PPFIA2: variants seen among roughly 807,000 people sequenced by gnomAD.
PPFIA2 encodes the protein PPFI scaffold protein A2, also known as liprin-alpha-2.
PPFIA2 carries 46 observed loss-of-function variants against 175.5 expected under a neutral mutation model. That is an observed-to-expected ratio of 0.26 (90% confidence interval 0.21 to 0.34). PPFIA2 has a LOEUF of 0.34. Ranked by LOEUF, PPFIA2 falls within the 10% of genes least tolerant of loss-of-function variation. The pLI is 1.00. For missense variants in PPFIA2, 1,179 were observed against 1,506.1 expected (o/e 0.78, Z 3.60); for synonymous variants, 568 against 511.4 (o/e 1.11, Z -1.49).
At chr12:81,560,281 A>C (rs1230154076) in intron 4 of PPFIA2, among the ~76,000 whole-genome samples, 1 of 151,644 alleles carries the variant, frequency 6.6e-6, no homozygotes, top group Non-Finnish European at 1.5e-5. Flanking sequence ...TGTGAGAGAG[A>C]GAGAGAGCTA....
At chr12:81,587,043 G>C (rs996414992) in intron 4 of PPFIA2, among the ~76,000 whole-genome samples, 1 of 151,826 alleles carries the variant, frequency 6.6e-6, no homozygotes, top group African/African-American at 2.4e-5. Flanking sequence ...GTTTAGGAAA[G>C]TAAAAATAGA....
At chr12:81,631,795 C>T (rs752003725) in intron 4 of PPFIA2, among the ~76,000 whole-genome samples, 2 of 152,154 alleles carry the variant, frequency 1.3e-5, no homozygotes, top group Non-Finnish European at 2.9e-5. Context: ...CGCCAAACAC[C>T]TCGCCTCAAG....
intron 3 of PPFIA2, among the ~76,000 whole-genome samples, chr12:81,684,882 T>C (rs1447915185): frequency 6.6e-6 from 1 of 152,032 alleles, no homozygotes; most frequent in East Asian, 1.9e-4. Flanking sequence ...GAAGGAAAAA[T>C]GCAAAATTAT....
At chr12:81,614,870 T>A (rs999940581) in intron 4 of PPFIA2, among the ~76,000 whole-genome samples, 2 of 152,152 alleles carry the variant, frequency 1.3e-5, no homozygotes, top group Non-Finnish European at 2.9e-5. Context: ...CAATTATGCA[T>A]AAGGAGTCTT....
At chr12:81,710,865 C>T (rs909903355) in intron 3 of PPFIA2, among the ~76,000 whole-genome samples, 5 of 151,358 alleles carry the variant, frequency 3.3e-5, no homozygotes, top group African/African-American at 7.2e-5. Context: ...CAGAATTGCA[C>T]ATTAGCTATG....
intron 3 of PPFIA2, among the ~76,000 whole-genome samples, chr12:81,689,063 T>C (rs1250771386): frequency 6.6e-6 from 1 of 151,494 alleles, no homozygotes; most frequent in Non-Finnish European, 1.5e-5. Context: ...TATATTAATT[T>C]TGGAAGTAAT....
At chr12:81,728,468 A>G (rs967290617) in intron 3 of PPFIA2, among the ~76,000 whole-genome samples, 8 of 151,364 alleles carry the variant, frequency 5.3e-5, no homozygotes, top group African/African-American at 1.5e-4. Context: ...CCACTACAGC[A>G]TAATTTTAAA....
chr12:81,360,833 T>C (rs1365227287), intron 15 of PPFIA2, among the ~76,000 whole-genome samples: 1 of 151,794 alleles, frequency 6.6e-6, no homozygotes, highest in Non-Finnish European at 1.5e-5. Context: ...TACTTTATAC[T>C]TGTGATATGA....
chr12:81,717,192 A>G (rs2078739420), intron 3 of PPFIA2, among the ~76,000 whole-genome samples: 1 of 151,788 alleles, frequency 6.6e-6, no homozygotes, highest in Non-Finnish European at 1.5e-5. Flanking sequence ...TACACATTAT[A>G]TAAATGAATG....
At chr12:81,381,425 A>G (rs1368715762) in intron 9 of PPFIA2, among the ~76,000 whole-genome samples, 6 of 152,088 alleles carry the variant, frequency 3.9e-5, no homozygotes, top group Non-Finnish European at 1.5e-5. Context: ...CAGTTAGAAA[A>G]TGGGGATTGA....
chr12:81,655,419 C>T (rs969657667), intron 4 of PPFIA2, among the ~76,000 whole-genome samples: 14 of 151,262 alleles, frequency 9.3e-5, no homozygotes, highest in Non-Finnish European at 1.3e-4. Flanking sequence ...TTTTCTAATA[C>T]ATATTTTTAA....
chr12:81,701,915 TAAAAAAAA>T (rs748051152), intron 3 of PPFIA2, among the ~76,000 whole-genome samples: 3 of 84,206 alleles, frequency 3.6e-5, no homozygotes, highest in Admixed American at 2.5e-4. Flanking sequence ...ATGGGAAGAC[TAAAAAAAA>T]AAAAAAAAAA....
chr12:81,748,494 G>A (rs1389497727), intron 3 of PPFIA2, among the ~76,000 whole-genome samples: 3 of 144,684 alleles, frequency 2.1e-5, no homozygotes, highest in African/African-American at 4.9e-5. Flanking sequence ...CCATGATCAT[G>A]AGAACCTGCC....
intron 2 of PPFIA2, 36 bp downstream of exon 2, chr12:81,758,364 A>G (rs2085022242): frequency 2.2e-6 from 1 of 456,278 alleles, no homozygotes; most frequent in Non-Finnish European, 4.4e-6. Context: ...AAATACAGCG[A>G]AAGGAGACAG....
rs188397622 is a variant in PPFIA2 at position 81,455,244 on chromosome 12, C to A, written c.405+2521G>T. ...TGTGAAGAGAGACATATTTGATTTT[C>A]AGCTCTGGATATACTACTTCTGGGG... On this transcript the variant is annotated intron_variant, in intron 5 of 32. Coordinates refer to ENST00000549396, the MANE Select transcript of PPFIA2 (RefSeq NM_003625.5). Among the ~76,000 whole-genome samples the A allele has an allele frequency of 2.6e-5, 4 of 152,256 alleles. No individual in the cohort carries two copies. In the East Asian group the frequency reaches 7.7e-4, roughly 29 times the overall value.
At chr12:81,287,248 C>G (rs1387599928) in intron 24 of PPFIA2, among the ~76,000 whole-genome samples, 1 of 151,840 alleles carries the variant, frequency 6.6e-6, no homozygotes, top group Non-Finnish European at 1.5e-5. Context: ...TGCTTTGAAT[C>G]GTAATCCAAA....
In PPFIA2 at chr12:81,259,155, A is replaced by G; in HGVS notation, c.*539T>C. 1 of 197,104 alleles carries G rather than the reference A, an allele frequency of 5.1e-6. No homozygotes were observed. The highest frequency in any genetic ancestry group is 7.9e-5 in the South Asian group (1 of 12,596). The allele number at this position is 197,104 out of a possible 1,614,324, so 12.2% of individuals were successfully genotyped here. A position where few individuals can be genotyped will look rare whatever the true frequency, so the allele number is the denominator to read the frequency against. ...GGAGAAACACGTTGAAGCATGAAAC[A>G]TGCTTCAAGGAAACATATTGATTTG... On this transcript the variant is annotated 3_prime_UTR_variant, in exon 33 of 33. Coordinates refer to ENST00000549396, the MANE Select transcript of PPFIA2 (RefSeq NM_003625.5).
chr12:81,607,943 C>T (rs2060498457), intron 4 of PPFIA2, among the ~76,000 whole-genome samples: 1 of 151,954 alleles, frequency 6.6e-6, no homozygotes, highest in Non-Finnish European at 1.5e-5. Flanking sequence ...TTAAAGATGG[C>T]TCTTCTTATT....
Position 81,375,856 on chromosome 12 carries a change from T to C in PPFIA2, c.1071A>G (p.Ile357Met). 1.9e-6 allele frequency: 3 copies of C among 1,605,198 alleles called. No individual in the cohort carries two copies. The highest frequency in any genetic ancestry group is 1.1e-5 in the South Asian group (1 of 90,888). Residue 357 changes from isoleucine (I) to methionine (M), a missense_variant, in exon 10 of 33, where the codon ATA becomes ATG. Ile to Met is a conservative substitution (Grantham distance 10). Coordinates refer to ENST00000549396, the MANE Select transcript of PPFIA2 (RefSeq NM_003625.5). ...TTTCTAGTTTATCATTCATGTCATGTATGGAGGTAGATTCTCTCTGAGCAC... is the reference window on the plus strand; with the variant it reads ...TTTCTAGTTTATCATTCATGTCATGCATGGAGGTAGATTCTCTCTGAGCAC... ...YLSAQRESTS[I>M]HDMNDKLENE...
Sources: gnomAD v4.1 joint callset for allele counts (sites outside exome capture counted in the v4.1 genomes callset) on GRCh38, gnomAD v4.1.1 for gene constraint, MANE v1.5 for transcripts, NCBI Gene and HGNC (gene_info 2026-07-23, HGNC 2026-07-21) for gene names.